Variants in CAPS2 observed in about 807,000 individuals in gnomAD.
The protein encoded by CAPS2 is calcyphosin-2.
A neutral mutation model predicts 86.5 loss-of-function variants in CAPS2; 98 were observed. The observed-to-expected ratio is 1.13, with a 90% CI of 0.96 to 1.34. CAPS2 has a LOEUF of 1.34. Among genes scored for constraint, CAPS2 ranks in the 40% most tolerant of loss-of-function variants. The probability of loss-of-function intolerance (pLI) is 0.00; values close to 1 mark genes in which losing one functional copy is unlikely to be tolerated. For synonymous variants in CAPS2, 210 were observed against 225.1 expected (o/e 0.93, Z 0.60); for missense variants, 729 against 686.8 (o/e 1.06, Z -0.69).
At chr12:75,325,162 G>T in intron 2 of CAPS2, 77 bp downstream of exon 3, 1 of 1,306,630 alleles carries the variant, frequency 7.7e-7, no homozygotes, top group Non-Finnish European at 1.0e-6. Context: ...TTATAATTTT[G>T]CTTTGTTTTT....
chr12:75,280,451 A>C (rs961638980), intron 16 of CAPS2, among the ~76,000 whole-genome samples: 3 of 151,848 alleles, frequency 2.0e-5, no homozygotes, highest in African/African-American at 7.2e-5. Context: ...GAAACCAAAA[A>C]AGGCTTTCCC....
chr12:75,352,593 C>T (rs1350890475), intron 1 of CAPS2, among the ~76,000 whole-genome samples: 1 of 152,106 alleles, frequency 6.6e-6, no homozygotes. Context: ...AGCCAGATGA[C>T]AGAGACAGAA....
exon 17 of CAPS2, chr12:75,278,646 G>A: frequency 8.5e-7 from 1 of 1,171,604 alleles, no homozygotes; most frequent in Non-Finnish European, 1.1e-6. Context: ...CTTTACAAAT[G>A]TAAGGACATG....
intron 1 of CAPS2, among the ~76,000 whole-genome samples, chr12:75,357,995 A>C (rs1319347502): frequency 6.6e-6 from 1 of 151,578 alleles, no homozygotes; most frequent in Non-Finnish European, 1.5e-5. Flanking sequence ...AGTAATAACA[A>C]AAATAAAAGC....
chr12:75,276,595 T>C (rs2032977445), downstream of CAPS2: 1 of 966,916 alleles, frequency 1.0e-6, no homozygotes. Flanking sequence ...GTATGTCCTT[T>C]CCATTAAAAG....
chr12:75,351,443 C>CAG (rs1357708687), intron 1 of CAPS2, among the ~76,000 whole-genome samples: 1 of 152,170 alleles, frequency 6.6e-6, no homozygotes, highest in Non-Finnish European at 1.5e-5. Context: ...AGAGAAAGGC[C>CAG]AGGCCACCTA....
intron 11 of CAPS2, among the ~76,000 whole-genome samples, chr12:75,294,469 C>T (rs910103963): frequency 6.6e-6 from 1 of 152,194 alleles, no homozygotes; most frequent in African/African-American, 2.4e-5. Context: ...GTGAGCCACT[C>T]TTTGAGTGTA....
chr12:75,300,310 A>G (rs993794052), intron 8 of CAPS2, among the ~76,000 whole-genome samples: 6 of 151,934 alleles, frequency 3.9e-5, no homozygotes, highest in Admixed American at 6.6e-5. Flanking sequence ...TAATCCCAGC[A>G]CTTAGGGAGG....
intron 1 of CAPS2, among the ~76,000 whole-genome samples, chr12:75,344,537 T>A (rs369690495): frequency 6.6e-6 from 1 of 152,114 alleles, no homozygotes; most frequent in East Asian, 1.9e-4. Flanking sequence ...TTTAAGCATA[T>A]GAGATAGAGT....
chr12:75,296,942 T>C (rs903444886), intron 11 of CAPS2, among the ~76,000 whole-genome samples: 1 of 152,226 alleles, frequency 6.6e-6, no homozygotes, highest in African/African-American at 2.4e-5. Context: ...ATGCTTACAA[T>C]GCTACAATGT....
chr12:75,387,956 C>T (rs2045376623), intron 1 of CAPS2, among the ~76,000 whole-genome samples: 1 of 152,230 alleles, frequency 6.6e-6, no homozygotes, highest in South Asian at 2.1e-4. Flanking sequence ...CTTATGTCTA[C>T]ACAGAAACCT....
intron 7 of CAPS2, among the ~76,000 whole-genome samples, chr12:75,308,367 C>T (rs2038754461): frequency 6.6e-6 from 1 of 152,144 alleles, no homozygotes. Context: ...ACCAAGTAAC[C>T]AATGGGAAAC....
intron 12 of CAPS2, among the ~76,000 whole-genome samples, chr12:75,292,730 G>A (rs2036207431): frequency 6.9e-6 from 1 of 144,890 alleles, no homozygotes; most frequent in Non-Finnish European, 1.5e-5. Flanking sequence ...AATATCACAG[G>A]AATATATATT....
chr12:75,371,460 AC>A, intron 1 of CAPS2: 1 of 354,982 alleles, frequency 2.8e-6, no homozygotes, highest in Non-Finnish European at 5.8e-6. Context: ...TCACAGACAC[AC>A]CCAGGAACAA....
chr12:75,330,297 A>C (rs2041187663), upstream of CAPS2, among the ~76,000 whole-genome samples: 1 of 152,220 alleles, frequency 6.6e-6, no homozygotes, highest in Non-Finnish European at 1.5e-5. Flanking sequence ...CCTCAGCTAC[A>C]GCCGCCGCAG....
chr12:75,364,318 G>C (rs1228906558), intron 1 of CAPS2, among the ~76,000 whole-genome samples: 1 of 152,196 alleles, frequency 6.6e-6, no homozygotes, highest in African/African-American at 2.4e-5. Flanking sequence ...GATGGTTGGG[G>C]GGCTTAGAAT....
At chr12:75,382,224 T>C (rs1172564643) in intron 1 of CAPS2, among the ~76,000 whole-genome samples, 3 of 152,246 alleles carry the variant, frequency 2.0e-5, no homozygotes, top group African/African-American at 4.8e-5. Flanking sequence ...TAATACATTT[T>C]AGTATCTTCA....
rs369727446 is a variant in CAPS2 at position 75,362,305 on chromosome 12, T to A, written c.-395+28533A>T. On this transcript the variant is annotated intron_variant, in intron 1 of 5. Transcript: ENST00000551829. ...TAAAAAATACAAATTAAGGTCACAA[T>A]AAATACCACTACACCATTATTAGAA... 1.6e-4 allele frequency among the ~76,000 whole-genome samples: 25 copies of A among 152,260 alleles called. No individual in the cohort carries two copies. The East Asian group carries it at 4.6e-3, about 28-fold the overall frequency.
At chr12:75,306,087 C>A (rs1460736716) in intron 7 of CAPS2, 13 of 1,452,080 alleles carry the variant, frequency 9.0e-6, no homozygotes, top group African/African-American at 4.2e-5. Flanking sequence ...CCTGGGGCTG[C>A]GGCCCTGGAA....
Sources: gnomAD v4.1 joint callset for allele counts (sites outside exome capture counted in the v4.1 genomes callset) on GRCh38, gnomAD v4.1.1 for gene constraint, MANE v1.5 for transcripts, NCBI Gene and HGNC (gene_info 2026-07-23, HGNC 2026-07-21) for gene names.